Variants in KCNQ1 observed in about 807,000 individuals in gnomAD.
KCNQ1 encodes the protein potassium voltage-gated channel subfamily Q member 1, also known as potassium voltage-gated channel subfamily KQT member 1.
In KCNQ1, 49 loss-of-function variants were observed where a neutral mutation model predicts 72.4. The ratio of observed to expected loss-of-function variants is 0.68; its 90% confidence interval spans 0.54 to 0.86. The LOEUF (loss-of-function observed/expected upper bound fraction) is 0.86, where lower values mean the gene tolerates loss of function less well. KCNQ1 is among the 40% of genes least tolerant of loss of function. KCNQ1 has a pLI of 0.00. For synonymous variants in KCNQ1, 450 were observed against 412.6 expected (o/e 1.09, Z -1.10); for missense variants, 790 against 945.1 (o/e 0.84, Z 2.15).
chr11:2,527,715 G>A (rs1847534610), intron 1 of KCNQ1, among the ~76,000 whole-genome samples: 1 of 152,264 alleles, frequency 6.6e-6, no homozygotes, highest in Admixed American at 6.5e-5. Context: ...GGCAGCATGT[G>A]TTGGTGCTTC....
At chr11:2,775,145 C>T (rs1846668718) in intron 12 of KCNQ1, among the ~76,000 whole-genome samples, 1 of 152,246 alleles carries the variant, frequency 6.6e-6, no homozygotes, top group South Asian at 2.1e-4. Context: ...CCTTCCTAGG[C>T]CATCAAACCC....
At chr11:2,500,852 C>T (rs966960683) in intron 1 of KCNQ1, among the ~76,000 whole-genome samples, 2 of 88,704 alleles carry the variant, frequency 2.3e-5, no homozygotes, top group African/African-American at 9.5e-5. Flanking sequence ...GGGAGGGGAA[C>T]ATCACACACC....
rs1364007069 is a variant in KCNQ1 at position 2,824,293 on chromosome 11, C to T, written c.1795-23474C>T. Among the ~76,000 whole-genome samples the T allele has an allele frequency of 6.6e-6, 1 of 152,000 alleles. No individual in the cohort carries two copies. Among genetic ancestry groups the T allele is most frequent in the African/African-American group, 2.4e-5 (1 of 41,356 alleles). Reference sequence around the variant, plus strand: ...GCCCTGGGAGGAGGGAGGCTAGGCCCAGGGGTGGAAAGAAGACAGATACGA... The same window carrying T: ...GCCCTGGGAGGAGGGAGGCTAGGCCTAGGGGTGGAAAGAAGACAGATACGA... On this transcript the variant is annotated intron_variant, in intron 15 of 15. Coordinates refer to ENST00000155840, the MANE Select transcript of KCNQ1 (RefSeq NM_000218.3). This position sits in a 1 kb window ranked among gnomAD's most constrained non-coding sequence, Gnocchi z 5.9.
rs763114271 is a variant in KCNQ1 at position 2,620,854 on chromosome 11, T to C, written c.1393+32000T>C. On this transcript the variant is annotated intron_variant, in intron 10 of 15. Coordinates refer to ENST00000155840, the MANE Select transcript of KCNQ1 (RefSeq NM_000218.3). The surrounding 1 kb of genome is among the most constrained non-coding windows in gnomAD (Gnocchi z 4.5). ...TCTCTGCAGCCTTCCCAGCAACTTT[T>C]ATTTTTTTGACTTTTTAATAATTGC... is the stretch of plus-strand genomic sequence containing the variant. 5.0e-6 allele frequency: 2 copies of C among 398,644 alleles called. No individual in the cohort carries two copies. Among genetic ancestry groups the C allele is most frequent in the Non-Finnish European group, 8.8e-6 (2 of 226,080 alleles). The allele number at this position is 398,644 out of a possible 1,614,324, so 24.7% of individuals were successfully genotyped here. A position where few individuals can be genotyped will look rare whatever the true frequency, so the allele number is the denominator to read the frequency against.
At position 2,595,472 on chromosome 11, in the gene KCNQ1, C is replaced by T. The variant is rs1032183896; in HGVS notation, c.1393+6618C>T. 6.6e-6 allele frequency among the ~76,000 whole-genome samples: 1 copy of T among 152,180 alleles called. No homozygotes were observed. The highest frequency in any genetic ancestry group is 2.4e-5 in the African/African-American group (1 of 41,438). ...CAAGTTGAAGCCAGTACTCACGTAC[C>T]ATTTCAACAATCCTAGGGCCCTTAA... On this transcript the variant is annotated intron_variant, in intron 10 of 15. Transcript: ENST00000155840. The surrounding 1 kb of genome is among the most constrained non-coding windows in gnomAD (Gnocchi z 5.0).
In KCNQ1 at chr11:2,623,265, C is replaced by G. The variant is rs554015732; in HGVS notation, c.1393+34411C>G. On this transcript the variant is annotated intron_variant, in intron 10 of 15. Coordinates refer to ENST00000155840, the MANE Select transcript of KCNQ1 (RefSeq NM_000218.3). This position sits in a 1 kb window ranked among gnomAD's most constrained non-coding sequence, Gnocchi z 5.2. ...ACAAAACTGTGAGTCAATTAAACCT[C>G]TTTTCTCACAAATTACCCAGTCTCA... 2.5e-6 allele frequency: 1 copy of G among 398,754 alleles called. No individual in the cohort carries two copies. The highest frequency in any genetic ancestry group is 3.6e-5 in the East Asian group (1 of 28,074). 24.7% of individuals were successfully genotyped at this position (398,754 alleles called of 1,614,324 possible).
chr11:2,796,311 G>A (rs944243237), intron 15 of KCNQ1, among the ~76,000 whole-genome samples: 4 of 152,300 alleles, frequency 2.6e-5, no homozygotes, highest in East Asian at 3.9e-4. Flanking sequence ...TGAGATCACC[G>A]CCTGGCTAAG....
Position 2,561,607 on chromosome 11 carries a change from C to T in KCNQ1, c.478-9021C>T, listed in dbSNP as rs143392976. Among the ~76,000 whole-genome samples the T allele has an allele frequency of 6.2e-3, 937 of 152,324 alleles. 4 individuals carry two copies. Among genetic ancestry groups the T allele is most frequent in the Non-Finnish European group, 9.5e-3 (646 of 68,008 alleles). On this transcript the variant is annotated intron_variant, in intron 2 of 15. Transcript: ENST00000155840. The stretch of plus-strand genomic sequence containing the variant: ...AGAGGCTGAGCTGCTCGTCTGGGTC[C>T]CCCGCCTGGGATGCCACCAGTGTCC...
chr11:2,793,831 A>G (rs372837504), intron 15 of KCNQ1, among the ~76,000 whole-genome samples: 8 of 152,172 alleles, frequency 5.3e-5, no homozygotes, highest in African/African-American at 1.9e-4. Context: ...GTACAGCCCC[A>G]TGGCTGGGCA....
chr11:2,503,537 T>C, intron 1 of KCNQ1, among the ~76,000 whole-genome samples: 2 of 48,322 alleles, frequency 4.1e-5, no homozygotes, highest in African/African-American at 1.8e-4. Flanking sequence ...TGGGGACTGT[T>C]GTGGGGTTGG....
Position 2,654,541 on chromosome 11 carries a change from C to T in KCNQ1, c.1394-7420C>T, listed in dbSNP as rs1321334763. 1.5e-5 allele frequency: 6 copies of T among 398,552 alleles called. No homozygotes were observed. Among genetic ancestry groups the T allele is most frequent in the Non-Finnish European group, 1.8e-5 (4 of 226,194 alleles). The allele number at this position is 398,552 out of a possible 1,614,324, so 24.7% of individuals were successfully genotyped here. A position where few individuals can be genotyped will look rare whatever the true frequency, so the allele number is the denominator to read the frequency against. On this transcript the variant is annotated intron_variant, in intron 10 of 15. Coordinates refer to ENST00000155840, the MANE Select transcript of KCNQ1 (RefSeq NM_000218.3). This position sits in a 1 kb window ranked among gnomAD's most constrained non-coding sequence, Gnocchi z 6.4. ...AGCTTGTGGAAGAGGGCTTGGGTTA[C>T]ACCTGGGAGATTAGGCCGGATTTTA... is the stretch of plus-strand genomic sequence containing the variant.
chr11:2,696,379 G>A, intron 11 of KCNQ1: 1 of 398,624 alleles, frequency 2.5e-6, no homozygotes. Context: ...GATATGTGGT[G>A]CCACCTTTAT....
At chr11:2,753,170 T>C (rs1846252081) in intron 11 of KCNQ1, among the ~76,000 whole-genome samples, 1 of 152,040 alleles carries the variant, frequency 6.6e-6, no homozygotes, top group South Asian at 2.1e-4. Context: ...ACCCGGCCAG[T>C]GTGGATGTCA....
At chr11:2,618,398 G>C in intron 10 of KCNQ1, 1 of 398,546 alleles carries the variant, frequency 2.5e-6, no homozygotes, top group Non-Finnish European at 4.4e-6. Context: ...CATGTGGTCT[G>C]TGGGCCATGG....
Position 2,550,350 on chromosome 11 carries a change from C to T in KCNQ1, c.478-20278C>T, listed in dbSNP as rs530565827. Among the ~76,000 whole-genome samples the T allele has an allele frequency of 2.4e-3, 360 of 152,282 alleles. 1 individual carries two copies. The highest frequency in any genetic ancestry group is 3.6e-3 in the Non-Finnish European group (244 of 68,008). On this transcript the variant is annotated intron_variant, in intron 2 of 15. Coordinates refer to ENST00000155840, the MANE Select transcript of KCNQ1 (RefSeq NM_000218.3). The surrounding 1 kb of genome is among the most constrained non-coding windows in gnomAD (Gnocchi z 6.0). ...GCATCCTTGCCGTCACCCCTCACAC[C>T]CCCTGCTAGGGTCCCTCTGGGGGTT...
At chr11:2,587,950 A>G (rs1216213837) in intron 9 of KCNQ1, among the ~76,000 whole-genome samples, 1 of 151,986 alleles carries the variant, frequency 6.6e-6, no homozygotes, top group Admixed American at 6.5e-5. Context: ...GAGCTCTGGG[A>G]GCAGGACGGG....
intron 15 of KCNQ1, among the ~76,000 whole-genome samples, chr11:2,839,305 G>T (rs1848153462): frequency 6.6e-6 from 1 of 152,182 alleles, no homozygotes; most frequent in Admixed American, 6.5e-5. Context: ...TGCCACGTGG[G>T]CCCCCCTGGC....
chr11:2,789,166 C>T (rs1257506725), intron 15 of KCNQ1, among the ~76,000 whole-genome samples: 1 of 152,172 alleles, frequency 6.6e-6, no homozygotes, highest in Non-Finnish European at 1.5e-5. Flanking sequence ...AGTGGACCCA[C>T]CAGTGGCCAG....
chr11:2,621,165 A>G lies in KCNQ1; in HGVS notation c.1393+32311A>G, dbSNP rs372632399. The stretch of plus-strand genomic sequence containing the variant: ...GCTAATTTTTGTGTTTTTAGTAGAG[A>G]CGGGGTTTCACCATGTTGGCCAGGA... On this transcript the variant is annotated intron_variant, in intron 10 of 15. Coordinates refer to ENST00000155840, the MANE Select transcript of KCNQ1 (RefSeq NM_000218.3). This position sits in a 1 kb window ranked among gnomAD's most constrained non-coding sequence, Gnocchi z 5.7. The G allele has an allele frequency of 1.3e-5, 5 of 397,060 alleles. No homozygotes were observed. The South Asian group carries it at 4.3e-4, about 34-fold the overall frequency. 24.6% of individuals were successfully genotyped at this position (397,060 alleles called of 1,614,324 possible).
Sources: allele counts gnomAD v4.1 joint callset (sites outside exome capture counted in the v4.1 genomes callset), GRCh38; gene constraint gnomAD v4.1.1; non-coding constraint Gnocchi (gnomAD v3.1); transcripts MANE v1.5; gene names NCBI Gene and HGNC (gene_info 2026-07-23, HGNC 2026-07-21).